Variants in APBA1 observed in about 807,000 individuals in gnomAD.
APBA1 encodes the protein amyloid-beta A4 precursor protein-binding family A member 1.
Under a neutral mutation model 86.6 loss-of-function variants are expected in APBA1, and 55 were observed. The observed-to-expected ratio is 0.64, with a 90% CI of 0.51 to 0.80. The LOEUF (loss-of-function observed/expected upper bound fraction) is 0.80. Ranked by LOEUF, APBA1 falls within the 30% of genes least tolerant of loss-of-function variation. The probability of loss-of-function intolerance (pLI) is 0.00; values close to 1 mark genes in which losing one functional copy is unlikely to be tolerated. For missense variants in APBA1, 1,090 were observed against 1,183.0 expected (o/e 0.92, Z 1.15); for synonymous variants, 511 against 493.9 (o/e 1.03, Z -0.46).
intron 10 of APBA1, among the ~76,000 whole-genome samples, chr9:69,444,464 T>C (rs1466805859): frequency 6.6e-6 from 1 of 152,228 alleles, no homozygotes; most frequent in African/African-American, 2.4e-5. Context: ...TTGTTTCTGC[T>C]ACCCCAAGCA....
At chr9:69,472,363 A>C (rs1835380215) in intron 3 of APBA1, 1 of 152,360 alleles carries the variant, frequency 6.6e-6, no homozygotes, top group African/African-American at 2.4e-5. Flanking sequence ...TTAGAGCCTG[A>C]CTAGATGGCA....
chr9:69,510,159 T>C (rs1442663130), intron 2 of APBA1, among the ~76,000 whole-genome samples: 1 of 143,884 alleles, frequency 7.0e-6, no homozygotes, highest in Non-Finnish European at 1.5e-5. Context: ...CATGATTGTA[T>C]ATCTAGAAAA....
intron 2 of APBA1, among the ~76,000 whole-genome samples, chr9:69,491,818 G>T (rs1835717033): frequency 1.4e-5 from 2 of 147,958 alleles, no homozygotes; most frequent in African/African-American, 5.0e-5. Context: ...AGGCTGGAGT[G>T]CAGTGGTGCG....
At chr9:69,506,050 A>G (rs1454068010) in intron 2 of APBA1, among the ~76,000 whole-genome samples, 1 of 151,390 alleles carries the variant, frequency 6.6e-6, no homozygotes, top group Non-Finnish European at 1.5e-5. Flanking sequence ...AAAAAAAGAA[A>G]AGGAGGAGGA....
chr9:69,547,291 GC>G (rs1836713412), intron 1 of APBA1, among the ~76,000 whole-genome samples: 1 of 152,172 alleles, frequency 6.6e-6, no homozygotes. Context: ...CATCCTTAGA[GC>G]TTGACTCCCA....
chr9:69,650,870 T>C (rs1823484939), intron 1 of APBA1, among the ~76,000 whole-genome samples: 1 of 152,154 alleles, frequency 6.6e-6, no homozygotes, highest in African/African-American at 2.4e-5. Flanking sequence ...GACTAAAATG[T>C]CTCCAACTAA....
At chr9:69,638,033 C>A (rs1461592692) in intron 1 of APBA1, among the ~76,000 whole-genome samples, 1 of 152,220 alleles carries the variant, frequency 6.6e-6, no homozygotes, top group African/African-American at 2.4e-5. Flanking sequence ...GCAGAATTCA[C>A]AACTGAGCAG....
chr9:69,447,590 A>C (rs576950460), intron 10 of APBA1, among the ~76,000 whole-genome samples: 2 of 152,270 alleles, frequency 1.3e-5, no homozygotes, highest in South Asian at 4.2e-4. Context: ...CTGGCTGAGA[A>C]GTACTGCCCC....
chr9:69,446,217 G>T (rs1834904922), intron 10 of APBA1, among the ~76,000 whole-genome samples: 1 of 152,268 alleles, frequency 6.6e-6, no homozygotes, highest in African/African-American at 2.4e-5. Context: ...TCTGTATTTG[G>T]TACTGGTGAT....
chr9:69,517,241 T>C lies in APBA1; in HGVS notation c.-31A>G, dbSNP rs1166860586. ...GAGTCGGAACGGCTAGGAGAGAAGC[T>C]GGGCCCGGCTCACTGCGCTCTCATT... On this transcript the variant is annotated 5_prime_UTR_variant, in exon 2 of 13. Coordinates refer to ENST00000265381, the MANE Select transcript of APBA1 (RefSeq NM_001163.4). 10 of 1,432,568 alleles carry C rather than the reference T, an allele frequency of 7.0e-6. No individual in the cohort carries two copies. Among genetic ancestry groups the C allele is most frequent in the Non-Finnish European group, 7.3e-6 (8 of 1,094,042 alleles). The allele number at this position is 1,432,568 out of a possible 1,614,324, so 88.7% of individuals were successfully genotyped here.
At chr9:69,653,509 A>G (rs1823549736) in intron 1 of APBA1, among the ~76,000 whole-genome samples, 1 of 152,168 alleles carries the variant, frequency 6.6e-6, no homozygotes, top group South Asian at 2.1e-4. Flanking sequence ...CAGAATACAC[A>G]TTTTCCTCAA....
intron 11 of APBA1, among the ~76,000 whole-genome samples, chr9:69,433,480 T>C (rs1433814508): frequency 6.6e-6 from 1 of 152,260 alleles, no homozygotes; most frequent in African/African-American, 2.4e-5. Context: ...GTGGCCCAGC[T>C]GCTCTCTCAG....
At chr9:69,644,177 T>C (rs1166405635) in intron 1 of APBA1, among the ~76,000 whole-genome samples, 2 of 152,250 alleles carry the variant, frequency 1.3e-5, no homozygotes, top group Non-Finnish European at 2.9e-5. Context: ...CCCACTAGAA[T>C]GTAAAATTCA....
intron 1 of APBA1, among the ~76,000 whole-genome samples, chr9:69,667,244 C>A (rs541587396): frequency 6.6e-6 from 1 of 152,248 alleles, no homozygotes; most frequent in East Asian, 1.9e-4. Context: ...AATGAAGAAC[C>A]ACTGTATTTA....
chr9:69,635,303 A>C (rs1823133876), intron 1 of APBA1, among the ~76,000 whole-genome samples: 1 of 152,176 alleles, frequency 6.6e-6, no homozygotes, highest in Admixed American at 6.5e-5. Context: ...ATCAGTTTAA[A>C]ATAATGAGTG....
At chr9:69,446,959 A>C (rs1834919793) in intron 10 of APBA1, among the ~76,000 whole-genome samples, 1 of 152,192 alleles carries the variant, frequency 6.6e-6, no homozygotes, top group South Asian at 2.1e-4. Flanking sequence ...ACCACAGACT[A>C]GGTGGCTTAT....
intron 1 of APBA1, among the ~76,000 whole-genome samples, chr9:69,658,308 T>C (rs192565283): frequency 0.2 from 7,710 of 38,778 alleles, 819 homozygotes; most frequent in South Asian, 0.22. Flanking sequence ...CTCTCTCTCT[T>C]TCTTTCTTTC....
chr9:69,482,705 A>G (rs1835535436), intron 2 of APBA1, among the ~76,000 whole-genome samples: 1 of 151,964 alleles, frequency 6.6e-6, no homozygotes, highest in Non-Finnish European at 1.5e-5. Context: ...TCGCAATAGC[A>G]AAGACTTGGA....
intron 1 of APBA1, among the ~76,000 whole-genome samples, chr9:69,588,806 G>T: frequency 6.6e-6 from 1 of 152,064 alleles, no homozygotes; most frequent in South Asian, 2.1e-4. Context: ...TGTAACTAGT[G>T]CCTCCAATTT....
Sources: gnomAD v4.1 joint callset for allele counts (sites outside exome capture counted in the v4.1 genomes callset) on GRCh38, gnomAD v4.1.1 for gene constraint, MANE v1.5 for transcripts, NCBI Gene and HGNC (gene_info 2026-07-23, HGNC 2026-07-21) for gene names.